The following GABARAPL1 variants were observed in gnomAD, a reference collection of about 807,000 sequenced individuals.
The protein encoded by GABARAPL1 is gamma-aminobutyric acid receptor-associated protein-like 1.
GABARAPL1 carries 4 observed loss-of-function variants against 14.5 expected under a neutral mutation model. That is an observed-to-expected ratio of 0.28 (90% confidence interval 0.14 to 0.63). The LOEUF (loss-of-function observed/expected upper bound fraction) is 0.63, where lower values mean the gene tolerates loss of function less well. Ranked by LOEUF, GABARAPL1 falls within the 30% of genes least tolerant of loss-of-function variation. The pLI is 0.84. For synonymous variants in GABARAPL1, 47 were observed against 50.6 expected (o/e 0.93, Z 0.30); for missense variants, 82 against 139.2 (o/e 0.59, Z 2.07).
chr12:10,221,008 T>C (rs776090719), intron 3 of GABARAPL1: 552 of 985,394 alleles, frequency 5.6e-4, no homozygotes, highest in Admixed American at 7.4e-4. Flanking sequence ...TCCTTCTAAC[T>C]CTGAGGCCAG....
chr12:10,219,336 A>C (rs1048685258), intron 2 of GABARAPL1, among the ~76,000 whole-genome samples: 2 of 147,574 alleles, frequency 1.4e-5, no homozygotes, highest in African/African-American at 2.4e-5. Context: ...CAAAAAACAA[A>C]AAAAAAAAAC....
intron 1 of GABARAPL1, 90 bp downstream of exon 1, chr12:10,213,309 C>T (rs1254734106): frequency 6.2e-6 from 5 of 800,008 alleles, no homozygotes; most frequent in Non-Finnish European, 1.1e-5. Context: ...GGCGCCCAGG[C>T]GGCTCTGGAG....
At chr12:10,216,924 A>G (rs910453084) in intron 1 of GABARAPL1, among the ~76,000 whole-genome samples, 12 of 152,144 alleles carry the variant, frequency 7.9e-5, no homozygotes, top group Non-Finnish European at 1.6e-4. Context: ...GTGTATTAAA[A>G]ATATCTTTTA....
rs142220034 is a variant in GABARAPL1 at position 10,215,184 on chromosome 12, A to G, written c.90+1965A>G. Among the ~76,000 whole-genome samples the G allele has an allele frequency of 3.7e-3, 557 of 152,260 alleles. 3 individuals are homozygous for G. The highest frequency in any genetic ancestry group is 0.013 in the African/African-American group (540 of 41,522). On this transcript the variant is annotated intron_variant, in intron 1 of 3. Coordinates refer to ENST00000266458, the MANE Select transcript of GABARAPL1 (RefSeq NM_031412.4). ...CTGTGCTAGAGTGTCTTGTTTACAG[A>G]AAAGAGGGTTAGAGTAATGATTCCT...
At chr12:10,216,815 C>T (rs1344598192) in intron 1 of GABARAPL1, among the ~76,000 whole-genome samples, 1 of 152,176 alleles carries the variant, frequency 6.6e-6, no homozygotes, top group Non-Finnish European at 1.5e-5. Flanking sequence ...GCTGGGATTA[C>T]AGGCATGAGC....
In GABARAPL1 at chr12:10,220,519, C is replaced by T. The variant is rs917081601; in HGVS notation, c.249C>T (p.Thr83=). The change falls in exon 3 of 4, where the codon ACC becomes ACT. Residue 83 remains threonine (T), a synonymous_variant. Transcript: ENST00000266458. The part of the protein sequence containing the change: ...EDALFFFVNN[T]IPPTSATMGQ... The stretch of plus-strand genomic sequence containing the variant: ...CCTTATTCTTCTTTGTCAACAACAC[C>T]ATCCCTCCCACCAGTGCTACCATGG... 3.1e-6 allele frequency: 5 copies of T among 1,613,964 alleles called. No homozygotes were observed. The highest frequency in any genetic ancestry group is 3.4e-6 in the Non-Finnish European group (4 of 1,180,016).
chr12:10,216,537 C>CTTTTTTTTT (rs71049067), intron 1 of GABARAPL1, among the ~76,000 whole-genome samples: 2 of 112,212 alleles, frequency 1.8e-5, no homozygotes, highest in Non-Finnish European at 1.8e-5. Flanking sequence ...ATTTTCTTTT[C>CTTTTTTTTT]TTTTTTTTTT....
In GABARAPL1 at chr12:10,220,570, G is replaced by A; in HGVS notation, c.288+12G>A. ...GCCAACTGTATGAGGTAATGGTTCT[G>A]GTTGCACAATACTGGATGCCGTCCA... is the stretch of plus-strand genomic sequence containing the variant. On this transcript the variant is annotated intron_variant, in intron 3 of 3. Transcript: ENST00000266458. 6.2e-7 allele frequency: 1 copy of A among 1,614,022 alleles called. No homozygotes were observed. Among genetic ancestry groups the A allele is most frequent in the Non-Finnish European group, 8.5e-7 (1 of 1,179,970 alleles).
At chr12:10,215,268 C>T (rs999469112) in intron 1 of GABARAPL1, among the ~76,000 whole-genome samples, 5 of 152,276 alleles carry the variant, frequency 3.3e-5, no homozygotes, top group South Asian at 2.1e-4. Context: ...CCTGACTGCT[C>T]GCATAACCAG....
chr12:10,220,549 A>G lies in GABARAPL1; in HGVS notation c.279A>G (p.Gln93=), dbSNP rs768138792. 20 of 1,613,878 alleles carry G rather than the reference A, an allele frequency of 1.2e-5. 1 individual carries two copies. In the South Asian group the frequency reaches 1.3e-4, roughly 11 times the overall value. The change falls in exon 3 of 4, where the codon CAA becomes CAG. Residue 93 remains glutamine, a synonymous_variant. Transcript: ENST00000266458. ...TIPPTSATMG[Q]LYEDNHEEDY... ...CTCCCACCAGTGCTACCATGGGCCAACTGTATGAGGTAATGGTTCTGGTTG... is the reference window on the plus strand; with the variant it reads ...CTCCCACCAGTGCTACCATGGGCCAGCTGTATGAGGTAATGGTTCTGGTTG...
chr12:10,219,730 G>C (rs1229071963), intron 2 of GABARAPL1, among the ~76,000 whole-genome samples: 1 of 152,190 alleles, frequency 6.6e-6, no homozygotes, highest in African/African-American at 2.4e-5. Flanking sequence ...AACCTGGGGA[G>C]GTGGAGATTG....
intron 1 of GABARAPL1, chr12:10,214,925 TTC>T (rs1373814609): frequency 6.6e-6 from 1 of 152,228 alleles, no homozygotes; most frequent in Non-Finnish European, 1.5e-5. Context: ...TTTTAGAGCA[TTC>T]TGTTCTTTTC....
chr12:10,215,293 A>G (rs1011859002), intron 1 of GABARAPL1, among the ~76,000 whole-genome samples: 1 of 152,176 alleles, frequency 6.6e-6, no homozygotes, highest in Admixed American at 6.6e-5. Flanking sequence ...TAGCCCCACC[A>G]ATATTTCTTC....
In GABARAPL1 at chr12:10,220,352, C is replaced by G. The variant is rs188790396; in HGVS notation, c.170-88C>G. ...GTACTGACTCTAAGGTGAAAAAATGCAATTGAATTTTTTTCCAGGACTTAC... is the reference window on the plus strand; with the variant it reads ...GTACTGACTCTAAGGTGAAAAAATGGAATTGAATTTTTTTCCAGGACTTAC... On this transcript the variant is annotated intron_variant, in intron 2 of 3. Coordinates refer to ENST00000266458, the MANE Select transcript of GABARAPL1 (RefSeq NM_031412.4). 580 of 1,576,552 alleles carry G rather than the reference C, an allele frequency of 3.7e-4. 2 individuals carry two copies. The highest frequency in any genetic ancestry group is 2.8e-3 in the Middle Eastern group (12 of 4,250).
intron 3 of GABARAPL1, 61 bp downstream of exon 3, chr12:10,220,619 C>T: frequency 6.2e-7 from 1 of 1,611,314 alleles, no homozygotes; most frequent in Non-Finnish European, 8.5e-7. Flanking sequence ...TCCTCTAGCC[C>T]TTGTTCTAGA....
intron 3 of GABARAPL1, chr12:10,221,406 A>T: frequency 2.1e-6 from 2 of 964,730 alleles, no homozygotes; most frequent in African/African-American, 3.5e-5. Context: ...TGCTCCGTTA[A>T]TGAATTACGT....
Position 10,222,278 on chromosome 12 carries a change from G to T in GABARAPL1, c.*426G>T. On this transcript the variant is annotated 3_prime_UTR_variant, in exon 4 of 4. Transcript: ENST00000266458. Reference sequence around the variant, plus strand: ...ATTTGCACAAGACAGGTAGGGAAAGGGGACTTGTGGTAGTGGACCATACCT... The same window carrying T: ...ATTTGCACAAGACAGGTAGGGAAAGTGGACTTGTGGTAGTGGACCATACCT... 1 of 197,344 alleles carries T rather than the reference G, an allele frequency of 5.1e-6. No individual in the cohort carries two copies. 12.2% of individuals were successfully genotyped at this position (197,344 alleles called of 1,614,324 possible).
chr12:10,214,073 G>C (rs1949074143), intron 1 of GABARAPL1: 1 of 318,788 alleles, frequency 3.1e-6, no homozygotes, highest in Admixed American at 3.9e-5. Context: ...CTCTAATGCA[G>C]GCTGCGCAGC....
Position 10,221,888 on chromosome 12 carries a change from T to A in GABARAPL1, c.*36T>A. Reference sequence around the variant, plus strand: ...GCCCAGCAGATGGGAGCACCTGGACTTGGGGGTAGGGGAGGGGTGTGTGTG... The same window carrying A: ...GCCCAGCAGATGGGAGCACCTGGACATGGGGGTAGGGGAGGGGTGTGTGTG... On this transcript the variant is annotated 3_prime_UTR_variant, in exon 4 of 4. Coordinates refer to ENST00000266458, the MANE Select transcript of GABARAPL1 (RefSeq NM_031412.4). 1 of 1,603,722 alleles carries A rather than the reference T, an allele frequency of 6.2e-7. No homozygotes were observed. The highest frequency in any genetic ancestry group is 8.5e-7 in the Non-Finnish European group (1 of 1,171,044).
Sources: allele counts gnomAD v4.1 joint callset (sites outside exome capture counted in the v4.1 genomes callset), GRCh38; gene constraint gnomAD v4.1.1; transcripts MANE v1.5; gene names NCBI Gene and HGNC (gene_info 2026-07-23, HGNC 2026-07-21).